GOLIM4: variants seen among roughly 807,000 people sequenced by gnomAD.
GOLIM4 encodes 130 kDa golgi-localized phosphoprotein.
GOLIM4 carries 71 observed loss-of-function variants against 107.4 expected under a neutral mutation model. That is an observed-to-expected ratio of 0.66 (90% CI 0.55 to 0.81). GOLIM4 has a LOEUF of 0.81. Ranked by LOEUF, GOLIM4 falls within the 30% of genes least tolerant of loss-of-function variation. The pLI is 0.00. For synonymous variants in GOLIM4, 327 were observed against 294.8 expected (o/e 1.11, Z -1.12); for missense variants, 830 against 826.1 (o/e 1.00, Z -0.06).
Position 168,070,279 on chromosome 3 carries a change from G to C in GOLIM4, c.188-21914C>G, listed in dbSNP as rs189155387. On this transcript the variant is annotated intron_variant, in intron 1 of 15. Coordinates refer to ENST00000470487, the MANE Select transcript of GOLIM4 (RefSeq NM_014498.5). ...GTGGTGGCACGCACCTGTAGTCCTA[G>C]CTACTCAGGAGGCTAAGGCAGGAGA... Among the ~76,000 whole-genome samples the C allele has an allele frequency of 9.8e-5, 15 of 152,314 alleles. No individual in the cohort carries two copies. In the East Asian group the frequency reaches 2.9e-3, roughly 29 times the overall value.
chr3:168,072,217 G>T lies in GOLIM4; in HGVS notation c.187+22882C>A, dbSNP rs142641754. On this transcript the variant is annotated intron_variant, in intron 1 of 15. Coordinates refer to ENST00000470487, the MANE Select transcript of GOLIM4 (RefSeq NM_014498.5). ...TATGAAACTGGTATTCATTACGGAT[G>T]CTGTTCACCAAGGCATTTGTCACTG... Among the ~76,000 whole-genome samples, 788 of 152,262 alleles carry T rather than the reference G, an allele frequency of 5.2e-3. 3 individuals are homozygous for T. The highest frequency in any genetic ancestry group is 0.018 in the African/African-American group (761 of 41,546).
intron 1 of GOLIM4, among the ~76,000 whole-genome samples, chr3:168,091,472 T>C (rs1721911916): frequency 6.6e-6 from 1 of 152,200 alleles, no homozygotes. Flanking sequence ...CAAGTTTAAA[T>C]TGTCAAGGAA....
chr3:168,042,706 T>A (rs977590195), intron 5 of GOLIM4, among the ~76,000 whole-genome samples: 1 of 152,236 alleles, frequency 6.6e-6, no homozygotes, highest in Non-Finnish European at 1.5e-5. Context: ...TTGTTTCATA[T>A]TACTATGAAA....
intron 3 of GOLIM4, among the ~76,000 whole-genome samples, chr3:168,045,097 C>T (rs890702815): frequency 6.6e-6 from 1 of 152,152 alleles, no homozygotes; most frequent in African/African-American, 2.4e-5. Context: ...AGTAAAAAAG[C>T]AGGATATGAA....
intron 14 of GOLIM4, among the ~76,000 whole-genome samples, chr3:168,011,717 C>T (rs1029915088): frequency 2.2e-5 from 3 of 138,400 alleles, no homozygotes; most frequent in African/African-American, 1.0e-4. Flanking sequence ...AGACTGCCTC[C>T]TCAAGTGGGT....
At chr3:168,082,879 A>T (rs892078142) in intron 1 of GOLIM4, among the ~76,000 whole-genome samples, 2 of 152,204 alleles carry the variant, frequency 1.3e-5, no homozygotes, top group African/African-American at 4.8e-5. Flanking sequence ...GAGCAGAACA[A>T]TCTTTAATTC....
intron 1 of GOLIM4, among the ~76,000 whole-genome samples, chr3:168,071,714 A>G (rs1720838327): frequency 6.6e-6 from 1 of 151,820 alleles, no homozygotes; most frequent in South Asian, 2.1e-4. Context: ...AATGAGTCAC[A>G]AGGGTGGGTA....
In GOLIM4 at chr3:168,060,000, G is replaced by A. The variant is rs114077885; in HGVS notation, c.188-11635C>T. Reference sequence around the variant, plus strand: ...GACTGAGGCAGGGTGAGCCCGGAAAGTCAAAGCATAAGGGAAGGGGAAGGG... The same window carrying A: ...GACTGAGGCAGGGTGAGCCCGGAAAATCAAAGCATAAGGGAAGGGGAAGGG... On this transcript the variant is annotated intron_variant, in intron 1 of 15. Transcript: ENST00000470487. 3.8e-3 allele frequency among the ~76,000 whole-genome samples: 578 copies of A among 152,286 alleles called. 2 individuals carry two copies. Among genetic ancestry groups the A allele is most frequent in the African/African-American group, 0.013 (552 of 41,554 alleles).
chr3:168,041,837 A>G (rs193113578), intron 5 of GOLIM4, among the ~76,000 whole-genome samples: 19 of 152,222 alleles, frequency 1.2e-4, no homozygotes, highest in Non-Finnish European at 2.1e-4. Context: ...TTCACAAATT[A>G]AAAACAAAGC....
At chr3:168,070,315 C>T (rs1188459887) in intron 1 of GOLIM4, among the ~76,000 whole-genome samples, 3 of 152,190 alleles carry the variant, frequency 2.0e-5, no homozygotes, top group Non-Finnish European at 4.4e-5. Context: ...ATCACTTGAA[C>T]CCGGGAGGCA....
rs371795834 is a variant in GOLIM4, at chr3:168,041,957, CTATT to C, written c.518-487_518-484del. ...AACCCTTTGTAGTACTGCCTCAAGA[CTATT>C]TAACTCCTGCATGACTTTTTGTTGT... On this transcript the variant is annotated intron_variant, in intron 5 of 15. Transcript: ENST00000470487. 1.3e-3 allele frequency among the ~76,000 whole-genome samples: 203 copies of C among 152,160 alleles called. 1 individual carries two copies. The East Asian group carries it at 0.014, about 10-fold the overall frequency.
chr3:168,010,669 CA>C, intron 15 of GOLIM4, 73 bp downstream of exon 15: 1 of 1,106,168 alleles, frequency 9.0e-7, no homozygotes, highest in Non-Finnish European at 1.4e-6. Flanking sequence ...ATCCCAAATA[CA>C]TATATCTCTC....
Position 168,048,740 on chromosome 3 carries a change from A to G in GOLIM4, c.188-375T>C, listed in dbSNP as rs1189485207. ...CATCATCTGCAAAGCAGTTACCCCC[A>G]CATCTACACTTCCACCTCTGGCTTC... On this transcript the variant is annotated intron_variant, in intron 1 of 15. Transcript: ENST00000470487. 2.0e-5 allele frequency among the ~76,000 whole-genome samples: 3 copies of G among 151,326 alleles called. No individual in the cohort carries two copies. The East Asian group carries it at 5.8e-4, about 29-fold the overall frequency.
intron 1 of GOLIM4, among the ~76,000 whole-genome samples, chr3:168,057,422 C>T (rs9822829): frequency 0.56 from 85,667 of 152,038 alleles, 25,986 homozygotes; most frequent in African/African-American, 0.76. Flanking sequence ...AGAGGTTTAA[C>T]TGACTCACAG....
At chr3:168,051,821 A>G (rs1719664705) in intron 1 of GOLIM4, among the ~76,000 whole-genome samples, 1 of 152,216 alleles carries the variant, frequency 6.6e-6, no homozygotes, top group Non-Finnish European at 1.5e-5. Flanking sequence ...AGAATGGAGC[A>G]GCGGTGACGG....
intron 1 of GOLIM4, among the ~76,000 whole-genome samples, chr3:168,055,898 T>C (rs1719934852): frequency 1.3e-5 from 2 of 151,870 alleles, no homozygotes; most frequent in African/African-American, 4.8e-5. Flanking sequence ...TGCAGCCTGA[T>C]GAATGTGACA....
chr3:168,089,281 A>T (rs1721779468), intron 1 of GOLIM4, among the ~76,000 whole-genome samples: 1 of 152,216 alleles, frequency 6.6e-6, no homozygotes, highest in Non-Finnish European at 1.5e-5. Flanking sequence ...TCCATTTAAT[A>T]GACAATGTCT....
chr3:168,027,718 G>A lies in GOLIM4; in HGVS notation c.1623+10C>T, dbSNP rs1244254234. ...TTACATGTGTCAGGGGCAGAAGAGA[G>A]GATACTTACATCTGCCTCAGATTCT... is the stretch of plus-strand genomic sequence containing the variant. On this transcript the variant is annotated intron_variant, in intron 12 of 15. Transcript: ENST00000470487. 1 of 1,515,312 alleles carries A rather than the reference G, an allele frequency of 6.6e-7. No homozygotes were observed. The highest frequency in any genetic ancestry group is 9.2e-7 in the Non-Finnish European group (1 of 1,089,984). The allele number at this position is 1,515,312 out of a possible 1,614,324, so 93.9% of individuals were successfully genotyped here. A position where few individuals can be genotyped will look rare whatever the true frequency, so the allele number is the denominator to read the frequency against.
At chr3:168,010,623 G>A in intron 15 of GOLIM4, 120 bp downstream of exon 15, 1 of 849,034 alleles carries the variant, frequency 1.2e-6, no homozygotes, top group Non-Finnish European at 1.9e-6. Context: ...GTTAAATTCA[G>A]TGGTAACTCA....
Sources: allele counts gnomAD v4.1 joint callset (sites outside exome capture counted in the v4.1 genomes callset), GRCh38; gene constraint gnomAD v4.1.1; transcripts MANE v1.5; gene names NCBI Gene and HGNC (gene_info 2026-07-23, HGNC 2026-07-21).